The following ALDOA variants were observed in gnomAD, a reference collection of about 807,000 sequenced individuals.
The protein encoded by ALDOA is aldolase, fructose-bisphosphate A, also known as fructose-bisphosphate aldolase A.
Under a neutral mutation model 43.9 loss-of-function variants are expected in ALDOA, and 26 were observed. That is an observed-to-expected ratio of 0.59 (90% CI 0.43 to 0.82). The LOEUF is 0.82. Ranked by LOEUF, ALDOA falls within the 40% of genes least tolerant of loss-of-function variation. The probability of loss-of-function intolerance (pLI) is 0.00; values close to 1 mark genes in which losing one functional copy is unlikely to be tolerated. For synonymous variants in ALDOA, 258 were observed against 222.6 expected (o/e 1.16, Z -1.42); for missense variants, 498 against 549.5 (o/e 0.91, Z 0.94).
In ALDOA at chr16:30,067,223, C is replaced by G. The variant is rs775119400; in HGVS notation, c.142-11C>G. 1 of 1,612,086 alleles carries G rather than the reference C, an allele frequency of 6.2e-7. No homozygotes were observed. The highest frequency in any genetic ancestry group is 8.5e-7 in the Non-Finnish European group (1 of 1,179,992). ...GCTAACTAGTCCTTCCCCTCTGTTT[C>G]CTGTATCCAGGAACTTGCTACTACC... On this transcript the variant is annotated splice_polypyrimidine_tract_variant and intron_variant, in intron 2 of 9. Coordinates refer to ENST00000642816, the MANE Select transcript of ALDOA (RefSeq NM_001243177.4).
chr16:30,070,359 G>A lies in ALDOA; in HGVS notation c.*147G>A. 2 of 732,178 alleles carry A rather than the reference G, an allele frequency of 2.7e-6. No individual in the cohort carries two copies. Among genetic ancestry groups the A allele is most frequent in the Non-Finnish European group, 4.8e-6 (2 of 420,510 alleles). The allele number at this position is 732,178 out of a possible 1,614,324, so 45.4% of individuals were successfully genotyped here. A position where few individuals can be genotyped will look rare whatever the true frequency, so the allele number is the denominator to read the frequency against. ...GTGGTGTGTGGTGTCGTCTGTGAAT[G>A]CTAAGTCCATCACCCTTTCCGGCAC... On this transcript the variant is annotated 3_prime_UTR_variant, in exon 10 of 10. Coordinates refer to ENST00000642816, the MANE Select transcript of ALDOA (RefSeq NM_001243177.4).
Position 30,067,675 on chromosome 16 carries a change from C to T in ALDOA, c.486+14C>T, listed in dbSNP as rs777625079. On this transcript the variant is annotated intron_variant, in intron 4 of 9. Transcript: ENST00000642816. ...GTGGGCATCAAGGTAAGGGGAGGGCCTCCGGACGTGAGGTTTGAGATGGAA... is the reference window on the plus strand; with the variant it reads ...GTGGGCATCAAGGTAAGGGGAGGGCTTCCGGACGTGAGGTTTGAGATGGAA... The T allele has an allele frequency of 3.5e-5, 57 of 1,613,846 alleles. No homozygotes were observed. The highest frequency in any genetic ancestry group is 4.8e-5 in the Non-Finnish European group (57 of 1,179,952).
chr16:30,068,287 A>G (rs1567323880), intron 4 of ALDOA: 1 of 353,662 alleles, frequency 2.8e-6, no homozygotes, highest in Non-Finnish European at 5.6e-6. Flanking sequence ...GATGGTCTCG[A>G]TCTCCTGATC....
intron 2 of ALDOA, 87 bp from the exon 3 acceptor site, chr16:30,067,147 C>A: frequency 6.3e-7 from 1 of 1,592,676 alleles, no homozygotes; most frequent in East Asian, 2.3e-5. Context: ...GAACATTTCC[C>A]TGACCTCCAG....
Position 30,067,502 on chromosome 16 carries a change from C to A in ALDOA, c.327C>A (p.Asn109Lys). Residue 109 changes from asparagine to lysine, a missense_variant, in exon 4 of 10, where the codon AAC becomes AAA. By Grantham distance (94) the Asn-to-Lys change is moderately conservative. Transcript: ENST00000642816. ...QSIGTENTEE[N>K]RRFYRQLLLT... ...TTGGCACCGAGAACACCGAGGAGAA[C>A]CGGCGCTTCTACCGCCAGCTGCTGC... The A allele has an allele frequency of 6.2e-7, 1 of 1,613,780 alleles. No individual in the cohort carries two copies. The highest frequency in any genetic ancestry group is 8.5e-7 in the Non-Finnish European group (1 of 1,180,022).
chr16:30,066,825 C>T (rs2072123434), intron 1 of ALDOA, 60 bp from the exon 2 acceptor site: 4 of 1,505,648 alleles, frequency 2.7e-6, no homozygotes, highest in Non-Finnish European at 3.6e-6. Context: ...GGGTGTTGGG[C>T]CCTCTGCTTG....
In ALDOA at chr16:30,070,076, C is replaced by T. The variant is rs368682055; in HGVS notation, c.1162-41C>T. 6.7e-5 allele frequency: 108 copies of T among 1,613,336 alleles called. No individual in the cohort carries two copies. The South Asian group carries it at 9.3e-4, about 14-fold the overall frequency. Reference sequence around the variant, plus strand: ...GCAGGGTGCCTGGGTGGATGGGACTCGGAGAAGAGCCCTTCTCACTCCACC... The same window carrying T: ...GCAGGGTGCCTGGGTGGATGGGACTTGGAGAAGAGCCCTTCTCACTCCACC... On this transcript the variant is annotated intron_variant, in intron 9 of 9. Coordinates refer to ENST00000642816, the MANE Select transcript of ALDOA (RefSeq NM_001243177.4).
chr16:30,066,287 G>A (rs551680431), intron 1 of ALDOA: 5 of 152,668 alleles, frequency 3.3e-5, no homozygotes, highest in African/African-American at 1.2e-4. Context: ...CTCGCAAGTG[G>A]GAGCTTGGTT....
At chr16:30,066,823 G>A in intron 1 of ALDOA, 62 bp from the exon 2 acceptor site, 1 of 1,503,218 alleles carries the variant, frequency 6.7e-7, no homozygotes, top group Non-Finnish European at 9.0e-7. Context: ...GAGGGTGTTG[G>A]GCCCTCTGCT....
chr16:30,066,786 C>T, intron 1 of ALDOA, 99 bp from the exon 2 acceptor site: 1 of 1,366,566 alleles, frequency 7.3e-7, no homozygotes, highest in Non-Finnish European at 9.9e-7. Flanking sequence ...AAGCACAGAC[C>T]TTTCCCATAT....
chr16:30,069,318 C>T lies in ALDOA; in HGVS notation c.715C>T (p.Pro239Ser), dbSNP rs1401005755. ...ASICQQNGIV[P>S]IVEPEILPDG... ...CCTCGCCCTGCAGAATGGCATTGTG[C>T]CCATCGTGGAGCCTGAGATCCTCCC... Residue 239 changes from proline to serine, a missense_variant, in exon 7 of 10, where the codon CCC becomes TCC. By Grantham distance (74) the Pro-to-Ser change is moderately conservative. Transcript: ENST00000642816. The T allele has an allele frequency of 3.0e-5, 49 of 1,614,068 alleles. No homozygotes were observed. Among genetic ancestry groups the T allele is most frequent in the Non-Finnish European group, 4.1e-5 (48 of 1,180,038 alleles).
rs757124451 is a variant in ALDOA, at chr16:30,069,398, C to A, written c.786+9C>A. The A allele has an allele frequency of 6.2e-7, 1 of 1,614,154 alleles. No homozygotes were observed. Among genetic ancestry groups the A allele is most frequent in the South Asian group, 1.1e-5 (1 of 91,072 alleles). ...AGTATGTGACCGAGAAGGTAAATGG[C>A]TACCTGCCTGACCAGTGCAAGGTGG... On this transcript the variant is annotated intron_variant, in intron 7 of 9. Coordinates refer to ENST00000642816, the MANE Select transcript of ALDOA (RefSeq NM_001243177.4).
At chr16:30,066,832 C>T (rs1008533234) in intron 1 of ALDOA, 53 bp from the exon 2 acceptor site, 11 of 1,518,300 alleles carry the variant, frequency 7.2e-6, no homozygotes, top group Non-Finnish European at 9.8e-6. Context: ...GGGCCCTCTG[C>T]TTGATTCACG....
chr16:30,066,802 C>A, intron 1 of ALDOA, 83 bp from the exon 2 acceptor site: 1 of 1,442,476 alleles, frequency 6.9e-7, no homozygotes, highest in Non-Finnish European at 9.3e-7. Flanking sequence ...CATATCTGGG[C>A]CCTTTCCCAC....
chr16:30,064,506 G>A (rs2072036150), upstream of ALDOA: 2 of 398,736 alleles, frequency 5.0e-6, no homozygotes, highest in Non-Finnish European at 8.8e-6. Flanking sequence ...TGAAGCACCG[G>A]TGAGTGGGCA....
rs75721735 is a variant in ALDOA, at chr16:30,068,403, T to C, written c.487-243T>C. 0.073 allele frequency: 41,048 copies of C among 565,668 alleles called. 2,167 individuals are homozygous for C. Among genetic ancestry groups the C allele is most frequent in the African/African-American group, 0.19 (10,292 of 53,226 alleles). 35.0% of individuals were successfully genotyped at this position (565,668 alleles called of 1,614,324 possible). On this transcript the variant is annotated intron_variant, in intron 4 of 9. Transcript: ENST00000642816. ...TTTTAATTGTAACTAAGTGAAAATA[T>C]TTGCCAGCCCTGAGATGCAGTTTAA...
chr16:30,067,580 T>C lies in ALDOA; in HGVS notation c.405T>C (p.His135=), dbSNP rs897856986. The change falls in exon 4 of 10, where the codon CAT becomes CAC. Residue 135 remains histidine (H), a synonymous_variant. Transcript: ENST00000642816. ...GCATTGGGGGTGTCATCCTCTTCCA[T>C]GAGACACTCTACCAGAAGGCGGATG... ...NPCIGGVILF[H]ETLYQKADDG... 6.2e-7 allele frequency: 1 copy of C among 1,613,798 alleles called. No homozygotes were observed.
chr16:30,066,552 C>T (rs2072112451), intron 1 of ALDOA, among the ~76,000 whole-genome samples: 1 of 152,238 alleles, frequency 6.6e-6, no homozygotes, highest in African/African-American at 2.4e-5. Flanking sequence ...TGTTCCGCCG[C>T]CCTTTCCTGG....
chr16:30,066,783 G>T, intron 1 of ALDOA, 102 bp from the exon 2 acceptor site: 1 of 1,346,196 alleles, frequency 7.4e-7, no homozygotes, highest in South Asian at 1.5e-5. Flanking sequence ...TTGAAGCACA[G>T]ACCTTTCCCA....
Sources: allele counts gnomAD v4.1 joint callset (sites outside exome capture counted in the v4.1 genomes callset), GRCh38; gene constraint gnomAD v4.1.1; transcripts MANE v1.5; gene names NCBI Gene and HGNC (gene_info 2026-07-23, HGNC 2026-07-21).